CADPS2: variants seen among roughly 807,000 people sequenced by gnomAD.
The protein encoded by CADPS2 is calcium-dependent secretion activator 2.
In CADPS2, 93 loss-of-function variants were observed where a neutral mutation model predicts 172.5. The ratio of observed to expected loss-of-function variants is 0.54; its 90% CI spans 0.46 to 0.64. The LOEUF is 0.64. Ranked by LOEUF, CADPS2 falls within the 30% of genes least tolerant of loss-of-function variation. The probability of loss-of-function intolerance (pLI) is 0.00; values close to 1 mark genes in which losing one functional copy is unlikely to be tolerated. For missense variants in CADPS2, 1,420 were observed against 1,565.9 expected, an observed-to-expected ratio of 0.91 and a Z score of 1.57; for synonymous variants, 546 against 555.2, an observed-to-expected ratio of 0.98 and a Z score of 0.23.
intron 2 of CADPS2, among the ~76,000 whole-genome samples, chr7:122,674,207 T>A (rs1486358633): frequency 1.3e-5 from 2 of 152,046 alleles, no homozygotes; most frequent in African/African-American, 4.8e-5. Flanking sequence ...CGCCCGCACC[T>A]CTCCCTTCAC....
chr7:122,383,423 C>T (rs942563417), intron 24 of CADPS2, among the ~76,000 whole-genome samples: 1 of 151,892 alleles, frequency 6.6e-6, no homozygotes, highest in Admixed American at 6.6e-5. Flanking sequence ...CACATGTACC[C>T]CCATATCGAC....
intron 6 of CADPS2, among the ~76,000 whole-genome samples, chr7:122,594,919 CTTAAT>C (rs557537576): frequency 1.2e-3 from 184 of 151,914 alleles, no homozygotes; most frequent in Non-Finnish European, 1.9e-3. Context: ...TGATGTATAA[CTTAAT>C]TTAACTTCAA....
chr7:122,654,960 C>T (rs1478055373), intron 3 of CADPS2, among the ~76,000 whole-genome samples: 2 of 152,056 alleles, frequency 1.3e-5, no homozygotes, highest in Non-Finnish European at 2.9e-5. Flanking sequence ...TCCTCACAGA[C>T]GACTTTGAGG....
intron 6 of CADPS2, among the ~76,000 whole-genome samples, chr7:122,602,559 G>A (rs1383942572): frequency 6.6e-6 from 1 of 152,036 alleles, no homozygotes; most frequent in East Asian, 1.9e-4. Flanking sequence ...AACTGGTCTT[G>A]AAATATCAAT....
intron 20 of CADPS2, among the ~76,000 whole-genome samples, chr7:122,394,894 T>G (rs2044862277): frequency 1.3e-5 from 2 of 152,156 alleles, no homozygotes; most frequent in South Asian, 4.1e-4. Flanking sequence ...AATACTCAGT[T>G]GTTTACTGCA....
intron 3 of CADPS2, among the ~76,000 whole-genome samples, chr7:122,640,030 G>A (rs1055355740): frequency 1.3e-5 from 2 of 152,162 alleles, no homozygotes; most frequent in African/African-American, 4.8e-5. Context: ...AACAAGCCCA[G>A]AATAGAATCT....
chr7:122,619,399 GCT>G (rs2075323660), intron 5 of CADPS2, among the ~76,000 whole-genome samples: 1 of 151,008 alleles, frequency 6.6e-6, no homozygotes, highest in Non-Finnish European at 1.5e-5. Context: ...GATTGTCTGA[GCT>G]CAGGAGTTTG....
intron 3 of CADPS2, among the ~76,000 whole-genome samples, chr7:122,661,122 G>A (rs2080481157): frequency 1.3e-5 from 2 of 152,150 alleles, no homozygotes; most frequent in African/African-American, 4.8e-5. Context: ...ACTACATCAC[G>A]ATAAAGGAGT....
At chr7:122,835,777 T>C (rs973869441) in intron 1 of CADPS2, among the ~76,000 whole-genome samples, 4 of 152,190 alleles carry the variant, frequency 2.6e-5, no homozygotes, top group African/African-American at 7.2e-5. Flanking sequence ...TATGGGACTA[T>C]ATGAAAAGAC....
intron 7 of CADPS2, among the ~76,000 whole-genome samples, chr7:122,576,582 G>A (rs2068066813): frequency 6.6e-6 from 1 of 152,124 alleles, no homozygotes; most frequent in Non-Finnish European, 1.5e-5. Flanking sequence ...ATACCTCTTG[G>A]CAAATACATA....
chr7:122,432,653 AAAAAAAAAG>A (rs1213256273), intron 17 of CADPS2, among the ~76,000 whole-genome samples: 1 of 150,888 alleles, frequency 6.6e-6, no homozygotes, highest in African/African-American at 2.4e-5. Flanking sequence ...TAAAAAAAAA[AAAAAAAAAG>A]AAAAAAAGAA....
At chr7:122,774,819 C>G (rs1168045696) in intron 1 of CADPS2, among the ~76,000 whole-genome samples, 1 of 152,098 alleles carries the variant, frequency 6.6e-6, no homozygotes, top group African/African-American at 2.4e-5. Context: ...TTTAATGTAT[C>G]TAACTGTTTC....
chr7:122,715,212 T>C (rs1375355432), intron 2 of CADPS2, among the ~76,000 whole-genome samples: 1 of 152,180 alleles, frequency 6.6e-6, no homozygotes, highest in African/African-American at 2.4e-5. Context: ...AGGGATTGTC[T>C]GAGTTTTCAT....
intron 2 of CADPS2, among the ~76,000 whole-genome samples, chr7:122,733,866 A>C (rs1280904786): frequency 1.3e-5 from 2 of 152,102 alleles, no homozygotes; most frequent in Non-Finnish European, 2.9e-5. Flanking sequence ...GCTTGAGTCA[A>C]GGATTTCTAG....
intron 6 of CADPS2, among the ~76,000 whole-genome samples, chr7:122,594,569 C>T (rs1038922553): frequency 2.0e-5 from 3 of 151,966 alleles, no homozygotes; most frequent in African/African-American, 4.8e-5. Context: ...TAAACCACCA[C>T]ATCCAGAGTA....
chr7:122,816,241 A>T (rs1161404273), intron 1 of CADPS2, among the ~76,000 whole-genome samples: 1 of 139,628 alleles, frequency 7.2e-6, no homozygotes, highest in East Asian at 2.1e-4. Flanking sequence ...TCTCCACGAG[A>T]TCAATTTATT....
At chr7:122,445,586 G>A (rs1471381120) in intron 15 of CADPS2, among the ~76,000 whole-genome samples, 1 of 152,236 alleles carries the variant, frequency 6.6e-6, no homozygotes, top group Non-Finnish European at 1.5e-5. Context: ...GGATGCCCAG[G>A]CAGGAAGATC....
intron 6 of CADPS2, among the ~76,000 whole-genome samples, chr7:122,597,913 AT>A (rs35489038): frequency 0.014 from 2,108 of 147,094 alleles, 36 homozygotes; most frequent in African/African-American, 0.039. Context: ...TCTTTTTAAC[AT>A]TTTTTTTTTT....
chr7:122,492,711 C>CT (rs1563498459), intron 9 of CADPS2, among the ~76,000 whole-genome samples: 1 of 151,336 alleles, frequency 6.6e-6, no homozygotes, highest in South Asian at 2.1e-4. Context: ...TTCTTTTTTT[C>CT]TTTTTTGAGA....
Sources: allele counts gnomAD v4.1 joint callset (sites outside exome capture counted in the v4.1 genomes callset), GRCh38; gene constraint gnomAD v4.1.1; transcripts MANE v1.5; gene names NCBI Gene and HGNC (gene_info 2026-07-23, HGNC 2026-07-21).